Variants in HOPX observed in about 807,000 individuals in gnomAD.
The protein encoded by HOPX is homeodomain-only protein.
Under a neutral mutation model 11.8 loss-of-function variants are expected in HOPX, and 5 were observed. That is an observed-to-expected ratio of 0.43 (90% CI 0.22 to 0.89). The LOEUF is 0.89. Among genes scored for constraint, HOPX ranks in the 40% least tolerant of loss-of-function variants. The pLI is 0.28. For synonymous variants in HOPX, 49 were observed against 49.7 expected, an observed-to-expected ratio of 0.99 and a Z score of 0.06; for missense variants, 119 against 120.0, an observed-to-expected ratio of 0.99 and a Z score of 0.04.
intron 1 of HOPX, among the ~76,000 whole-genome samples, chr4:56,677,025 C>G (rs906402448): frequency 6.6e-6 from 1 of 151,810 alleles, no homozygotes. Flanking sequence ...GCCACTAATA[C>G]TAGGCAAGCT....
At chr4:56,656,409 C>T (rs1483944846) in intron 2 of HOPX, 1 of 992,276 alleles carries the variant, frequency 1.0e-6, no homozygotes, top group Non-Finnish European at 1.2e-6. Context: ...TTAAAAACTT[C>T]CTCCCGAAAG....
intron 3 of HOPX, chr4:56,650,641 A>G (rs201023840): frequency 1.3e-6 from 2 of 1,549,154 alleles, no homozygotes; most frequent in East Asian, 4.9e-5. Flanking sequence ...AGCAGAGTTT[A>G]CACACTGAAA....
intron 3 of HOPX, among the ~76,000 whole-genome samples, chr4:56,655,537 C>T (rs140146769): frequency 3.0e-4 from 45 of 152,326 alleles, no homozygotes; most frequent in Non-Finnish European, 5.3e-4. Flanking sequence ...TCCCAACTCG[C>T]AGAGGGAGAA....
Position 56,648,750 on chromosome 4 carries a change from C to T in HOPX, c.246G>A (p.Leu82=), listed in dbSNP as rs1716884420. ...CTGTGACGGATCTGCACTCTGAGGG[C>T]AGGCCTTCTGAGCGCCGCCACTTTG... ...RLAKWRRSEG[L]PSECRSVTD The change falls in exon 4 of 4, where the codon CTG becomes CTA. Residue 82 remains leucine, a synonymous_variant. Transcript: ENST00000420433. The T allele has an allele frequency of 2.5e-6, 4 of 1,610,936 alleles. No individual in the cohort carries two copies. Among genetic ancestry groups the T allele is most frequent in the Middle Eastern group, 1.7e-4 (1 of 6,048 alleles).
At chr4:56,656,048 G>A (rs1172032556) in intron 2 of HOPX, 36 bp from the exon 3 acceptor site, 12 of 1,521,078 alleles carry the variant, frequency 7.9e-6, no homozygotes, top group Admixed American at 2.0e-5. Context: ...GGTGAGCGAG[G>A]CGTGGAGCGG....
At chr4:56,656,239 G>C (rs1370052412) in intron 2 of HOPX, 4 of 1,165,338 alleles carry the variant, frequency 3.4e-6, no homozygotes, top group Non-Finnish European at 4.3e-6. Flanking sequence ...GCTGACGGCA[G>C]AGCCTAGCGT....
At position 56,648,642 on chromosome 4, in the gene HOPX, C is replaced by G. The variant is rs190451268; in HGVS notation, c.*78G>C. On this transcript the variant is annotated 3_prime_UTR_variant, in exon 4 of 4. Transcript: ENST00000420433. ...GAACATACAACACTATGCTGAAAAA[C>G]CACAACAGCTTGGTTAAGCGGAGGA... 9.2e-7 allele frequency: 1 copy of G among 1,081,322 alleles called. No individual in the cohort carries two copies. Among genetic ancestry groups the G allele is most frequent in the East Asian group, 2.4e-5 (1 of 41,592 alleles). 67.0% of individuals were successfully genotyped at this position (1,081,322 alleles called of 1,614,324 possible).
chr4:56,661,595 C>T (rs750541339), intron 1 of HOPX, among the ~76,000 whole-genome samples: 3 of 152,184 alleles, frequency 2.0e-5, no homozygotes, highest in Non-Finnish European at 2.9e-5. Flanking sequence ...TCCTTTGCTC[C>T]AAATCCTCAT....
chr4:56,662,484 C>G (rs201492923), intron 1 of HOPX: 4 of 93,212 alleles, frequency 4.3e-5, no homozygotes, highest in Non-Finnish European at 6.8e-5. Flanking sequence ...TTTCTTTCTT[C>G]TTTTTTTTTT....
intron 3 of HOPX, 62 bp from the exon 4 acceptor site, chr4:56,648,859 C>G: frequency 3.0e-6 from 4 of 1,324,708 alleles, no homozygotes; most frequent in Non-Finnish European, 4.3e-6. Context: ...TGCCTGTTCC[C>G]TTTCTAAAAG....
At chr4:56,657,423 C>G (rs537019276) in intron 2 of HOPX, among the ~76,000 whole-genome samples, 3 of 152,240 alleles carry the variant, frequency 2.0e-5, no homozygotes, top group African/African-American at 4.8e-5. Context: ...ACTGATGTCC[C>G]GGCAGAATGT....
At chr4:56,674,448 C>T (rs1347570306) in intron 1 of HOPX, among the ~76,000 whole-genome samples, 1 of 151,652 alleles carries the variant, frequency 6.6e-6, no homozygotes, top group Non-Finnish European at 1.5e-5. Flanking sequence ...CTAAGCAGAT[C>T]TGTCATGACC....
intron 2 of HOPX, 21 bp downstream of exon 2, chr4:56,657,754 G>T: frequency 1.0e-6 from 1 of 1,002,988 alleles, no homozygotes; most frequent in Middle Eastern, 2.0e-4. Flanking sequence ...CTTCAGAGCT[G>T]GGAAGAACCT....
chr4:56,658,995 T>C (rs7659091), intron 1 of HOPX, among the ~76,000 whole-genome samples: 50,141 of 152,218 alleles, frequency 0.33, 8,640 homozygotes, highest in Middle Eastern at 0.43. Context: ...CCCCTAATCC[T>C]GTAATCATTT....
chr4:56,649,390 A>G (rs969286701), intron 3 of HOPX: 2 of 152,246 alleles, frequency 1.3e-5, no homozygotes, highest in Non-Finnish European at 2.9e-5. Context: ...GTATTTCATC[A>G]ATGTATGCTC....
intron 1 of HOPX, among the ~76,000 whole-genome samples, chr4:56,677,037 C>T (rs1719056137): frequency 6.6e-6 from 1 of 151,822 alleles, no homozygotes; most frequent in African/African-American, 2.4e-5. Flanking sequence ...AGGCAAGCTA[C>T]TCTGCTGGTG....
At chr4:56,651,522 C>T (rs1717168216) in intron 3 of HOPX, among the ~76,000 whole-genome samples, 1 of 152,124 alleles carries the variant, frequency 6.6e-6, no homozygotes, top group Non-Finnish European at 1.5e-5. Flanking sequence ...ACATTCATCC[C>T]TTGCTTGCTT....
Position 56,648,786 on chromosome 4 carries a change from C to T in HOPX, c.210G>A (p.Lys70=), listed in dbSNP as rs987365236. 10 of 1,608,036 alleles carry T rather than the reference C, an allele frequency of 6.2e-6. No homozygotes were observed. In the Admixed American group the frequency reaches 6.7e-5, roughly 11 times the overall value. Residue 70 remains lysine (K), a synonymous_variant, in exon 4 of 4, where the codon AAG becomes AAA. Coordinates refer to ENST00000420433, the MANE Select transcript of HOPX (RefSeq NM_032495.6). ...LSEEETQKWF[K]QRLAKWRRSE... ...AGCGCCGCCACTTTGCCAGGCGCTG[C>T]TTAAACCATTTCTGGAAGAGAGAAA...
intron 3 of HOPX, among the ~76,000 whole-genome samples, chr4:56,653,125 A>T (rs531934374): frequency 6.6e-6 from 1 of 152,206 alleles, no homozygotes; most frequent in Admixed American, 6.5e-5. Context: ...GCAGCCTTGA[A>T]CTTCTGGGCT....
Sources: gnomAD v4.1 joint callset for allele counts (sites outside exome capture counted in the v4.1 genomes callset) on GRCh38, gnomAD v4.1.1 for gene constraint, MANE v1.5 for transcripts, NCBI Gene and HGNC (gene_info 2026-07-23, HGNC 2026-07-21) for gene names.